Variants in CSNK1G3 observed in about 807,000 individuals in gnomAD.
CSNK1G3 encodes the protein casein kinase I isoform gamma-3.
CSNK1G3 carries 23 observed loss-of-function variants against 64.3 expected under a neutral mutation model. That is an observed-to-expected ratio of 0.36 (90% CI 0.26 to 0.51). The LOEUF (loss-of-function observed/expected upper bound fraction) is 0.51, where lower values mean the gene tolerates loss of function less well. Among genes scored for constraint, CSNK1G3 ranks in the 20% least tolerant of loss-of-function variants. The pLI is 0.96. For synonymous variants in CSNK1G3, 158 were observed against 162.2 expected (o/e 0.97, Z 0.20); for missense variants, 357 against 510.5 (o/e 0.70, Z 2.90).
intron 1 of CSNK1G3, among the ~76,000 whole-genome samples, chr5:123,531,538 A>G (rs947406411): frequency 1.3e-5 from 2 of 152,020 alleles, no homozygotes; most frequent in African/African-American, 4.8e-5. Flanking sequence ...GCTCATTTTT[A>G]TCTTTATTAG....
chr5:123,529,389 CT>C (rs775686998), intron 1 of CSNK1G3, among the ~76,000 whole-genome samples: 2 of 151,758 alleles, frequency 1.3e-5, no homozygotes, highest in Non-Finnish European at 2.9e-5. Context: ...TTTGGTTTTC[CT>C]GAGATGAAAG....
chr5:123,581,258 A>C (rs1483797202), intron 6 of CSNK1G3, among the ~76,000 whole-genome samples: 1 of 151,272 alleles, frequency 6.6e-6, no homozygotes. Flanking sequence ...AATATTCTCA[A>C]GATCAGTTGG....
intron 1 of CSNK1G3, among the ~76,000 whole-genome samples, chr5:123,521,438 A>G (rs1339819665): frequency 2.0e-5 from 3 of 152,148 alleles, no homozygotes; most frequent in Admixed American, 2.0e-4. Context: ...CAGCTCCTTA[A>G]GATAATTGTT....
chr5:123,543,174 G>GT (rs1781967519), intron 1 of CSNK1G3, among the ~76,000 whole-genome samples: 1 of 151,994 alleles, frequency 6.6e-6, no homozygotes, highest in African/African-American at 2.4e-5. Context: ...TGAGACTTGA[G>GT]TTTTGTTCTG....
chr5:123,612,814 T>C (rs115211953), intron 12 of CSNK1G3, among the ~76,000 whole-genome samples: 1,586 of 152,304 alleles, frequency 0.01, 18 homozygotes, highest in Non-Finnish European at 0.017. Flanking sequence ...GTAAGAATTA[T>C]AGAAACATCT....
chr5:123,554,503 C>T (rs1413472056), intron 3 of CSNK1G3, among the ~76,000 whole-genome samples: 1 of 152,204 alleles, frequency 6.6e-6, no homozygotes, highest in Non-Finnish European at 1.5e-5. Context: ...AAGGTCCCCT[C>T]ATGAGCATGA....
chr5:123,523,752 A>ACTCTGTTT (rs1279172677), intron 1 of CSNK1G3, among the ~76,000 whole-genome samples: 1 of 152,220 alleles, frequency 6.6e-6, no homozygotes, highest in Non-Finnish European at 1.5e-5. Flanking sequence ...TCTAACATCC[A>ACTCTGTTT]CAGCACTCTG....
intron 1 of CSNK1G3, among the ~76,000 whole-genome samples, chr5:123,529,097 T>A (rs1009308985): frequency 1.3e-5 from 2 of 152,038 alleles, no homozygotes; most frequent in Non-Finnish European, 2.9e-5. Flanking sequence ...GCAAGAGAGG[T>A]GTGATAAGCC....
chr5:123,598,532 TG>T (rs1793860276), intron 10 of CSNK1G3, among the ~76,000 whole-genome samples: 1 of 151,978 alleles, frequency 6.6e-6, no homozygotes, highest in Admixed American at 6.6e-5. Flanking sequence ...AAAGAATCAG[TG>T]GGAGTTAATC....
intron 1 of CSNK1G3, among the ~76,000 whole-genome samples, chr5:123,544,848 T>C (rs1782261661): frequency 6.6e-6 from 1 of 152,184 alleles, no homozygotes; most frequent in African/African-American, 2.4e-5. Flanking sequence ...TAAGAATTAA[T>C]TGTTTTCTTT....
intron 4 of CSNK1G3, among the ~76,000 whole-genome samples, chr5:123,572,012 AGAG>A (rs1349268671): frequency 6.6e-6 from 1 of 152,220 alleles, no homozygotes; most frequent in East Asian, 1.9e-4. Flanking sequence ...TTGTTTTGAG[AGAG>A]TTACCCTTGG....
Position 123,545,207 on chromosome 5 carries a change from T to C in CSNK1G3, c.-247-210T>C, listed in dbSNP as rs116116907. Among the ~76,000 whole-genome samples the C allele has an allele frequency of 9.4e-3, 1,436 of 152,216 alleles. 28 individuals carry two copies. Among genetic ancestry groups the C allele is most frequent in the African/African-American group, 0.033 (1,355 of 41,544 alleles). ...TGTTCCTTTAATTTTTAAGAAGTAATTGAATCCCTGATATCTTTGTTTCGT... is the reference window on the plus strand; with the variant it reads ...TGTTCCTTTAATTTTTAAGAAGTAACTGAATCCCTGATATCTTTGTTTCGT... On this transcript the variant is annotated intron_variant, in intron 1 of 12. Coordinates refer to ENST00000345990, the Ensembl canonical transcript of CSNK1G3.
At chr5:123,513,771 A>G (rs1362289942) in intron 1 of CSNK1G3, among the ~76,000 whole-genome samples, 1 of 152,214 alleles carries the variant, frequency 6.6e-6, no homozygotes, top group Non-Finnish European at 1.5e-5. Context: ...TTCCCGGTAA[A>G]TTTAGAAGAA....
In CSNK1G3 at chr5:123,573,116, G is replaced by T. The variant is rs567752046; in HGVS notation, c.290-277G>T. Among the ~76,000 whole-genome samples, 6 of 152,250 alleles carry T rather than the reference G, an allele frequency of 3.9e-5. No homozygotes were observed. In the East Asian group the frequency reaches 1.2e-3, roughly 29 times the overall value. On this transcript the variant is annotated intron_variant, in intron 4 of 12. Coordinates refer to ENST00000345990, the Ensembl canonical transcript of CSNK1G3. ...TATAAAGCTAAAAAGCCCAGCTTTT[G>T]TCCAGTAATAAGGTGGTAGAGAGAA...
intron 1 of CSNK1G3, among the ~76,000 whole-genome samples, 169 bp from the exon 2 acceptor site, chr5:123,545,248 G>T (rs970808439): frequency 2.0e-5 from 3 of 151,994 alleles, no homozygotes; most frequent in Non-Finnish European, 4.4e-5. Context: ...TGTTATTAAG[G>T]TATATAAATA....
At chr5:123,543,781 T>G (rs992111774) in intron 1 of CSNK1G3, among the ~76,000 whole-genome samples, 3 of 152,174 alleles carry the variant, frequency 2.0e-5, no homozygotes, top group Non-Finnish European at 4.4e-5. Flanking sequence ...TCTACTTGTT[T>G]ACAACAGGCA....
rs141788187 is a variant in CSNK1G3, at chr5:123,609,160, G to A, written c.1217+3798G>A. 1.2e-3 allele frequency among the ~76,000 whole-genome samples: 180 copies of A among 152,242 alleles called. 1 individual carries two copies. Among genetic ancestry groups the A allele is most frequent in the Middle Eastern group, 0.01 (3 of 294 alleles). On this transcript the variant is annotated intron_variant, in intron 12 of 12. Coordinates refer to ENST00000345990, the Ensembl canonical transcript of CSNK1G3. ...TAGGCTAATTTCCCAATCTCAGAGGGCCTTGGTAGCCAGTAACCAAATTTG... is the reference window on the plus strand; with the variant it reads ...TAGGCTAATTTCCCAATCTCAGAGGACCTTGGTAGCCAGTAACCAAATTTG...
intron 2 of CSNK1G3, among the ~76,000 whole-genome samples, chr5:123,547,536 A>G (rs1461677582): frequency 2.0e-5 from 3 of 152,136 alleles, no homozygotes; most frequent in African/African-American, 7.2e-5. Flanking sequence ...TATGTACCAT[A>G]TACTGAAGCT....
intron 10 of CSNK1G3, among the ~76,000 whole-genome samples, chr5:123,599,059 C>G (rs1356460250): frequency 6.6e-6 from 1 of 152,162 alleles, no homozygotes; most frequent in Non-Finnish European, 1.5e-5. Flanking sequence ...ATACCACTGA[C>G]AACAGATAGT....
Sources: gnomAD v4.1 joint callset for allele counts (sites outside exome capture counted in the v4.1 genomes callset) on GRCh38, gnomAD v4.1.1 for gene constraint, MANE v1.5 for transcripts, NCBI Gene and HGNC (gene_info 2026-07-23, HGNC 2026-07-21) for gene names.